Variants in FHOD3 observed in about 807,000 individuals in gnomAD.
FHOD3 encodes FH1/FH2 domain-containing protein 3.
Under a neutral mutation model 173.0 loss-of-function variants are expected in FHOD3, and 90 were observed. The ratio of observed to expected loss-of-function variants is 0.52; its 90% CI spans 0.44 to 0.62. FHOD3 has a LOEUF of 0.62. Ranked by LOEUF, FHOD3 falls within the 20% of genes least tolerant of loss-of-function variation. The probability of loss-of-function intolerance (pLI) is 0.00; values close to 1 mark genes in which losing one functional copy is unlikely to be tolerated. For missense variants in FHOD3, 1,945 were observed against 2,034.7 expected, an observed-to-expected ratio of 0.96 and a Z score of 0.85; for synonymous variants, 828 against 823.0, an observed-to-expected ratio of 1.01 and a Z score of -0.10.
At chr18:36,607,729 T>C (rs2148562339) in intron 8 of FHOD3, among the ~76,000 whole-genome samples, 1 of 152,338 alleles carries the variant, frequency 6.6e-6, no homozygotes, top group Admixed American at 6.5e-5. Flanking sequence ...TCCTTCAATA[T>C]TTTTCTTAGA....
At chr18:36,748,892 C>T (rs2150134130) in intron 24 of FHOD3, among the ~76,000 whole-genome samples, 1 of 152,052 alleles carries the variant, frequency 6.6e-6, no homozygotes, top group African/African-American at 2.4e-5. Context: ...CCTCATTTTT[C>T]CTTCCCCCTC....
At chr18:36,389,587 T>C in intron 3 of FHOD3, among the ~76,000 whole-genome samples, 1 of 151,660 alleles carries the variant, frequency 6.6e-6, no homozygotes, top group Non-Finnish European at 1.5e-5. Flanking sequence ...TATTGTCCTT[T>C]CCTGGAGCAT....
chr18:36,748,384 C>CACACACACACACACACACACACACA (rs2042253175), intron 24 of FHOD3, among the ~76,000 whole-genome samples: 1 of 88,996 alleles, frequency 1.1e-5, no homozygotes, highest in Non-Finnish European at 2.4e-5. Context: ...ACACACACAA[C>CACACACACACACACACACACACACA]ACACACACAC....
intron 3 of FHOD3, among the ~76,000 whole-genome samples, chr18:36,388,666 A>G (rs903268912): frequency 3.9e-5 from 6 of 152,172 alleles, no homozygotes; most frequent in African/African-American, 1.4e-4. Context: ...TCCCCTCCCA[A>G]GAGAACCCTG....
At chr18:36,419,132 T>C (rs2049847056) in intron 3 of FHOD3, among the ~76,000 whole-genome samples, 1 of 151,998 alleles carries the variant, frequency 6.6e-6, no homozygotes, top group Non-Finnish European at 1.5e-5. Flanking sequence ...TTACCAAGTA[T>C]CAAATTCAAG....
At chr18:36,715,920 G>A (rs2040423931) in intron 18 of FHOD3, among the ~76,000 whole-genome samples, 1 of 152,240 alleles carries the variant, frequency 6.6e-6, no homozygotes, top group African/African-American at 2.4e-5. Flanking sequence ...CCTGAGGCCA[G>A]ATCATACTTG....
chr18:36,710,006 A>G (rs1246586835), intron 18 of FHOD3: 2 of 152,336 alleles, frequency 1.3e-5, no homozygotes, highest in Admixed American at 6.5e-5. Context: ...TGTATAAAGT[A>G]TATGCTTTTC....
chr18:36,333,017 C>G (rs2045104846), intron 1 of FHOD3, among the ~76,000 whole-genome samples: 1 of 152,206 alleles, frequency 6.6e-6, no homozygotes, highest in Admixed American at 6.5e-5. Context: ...TTGCTATGAA[C>G]ATTTTGAGAG....
intron 1 of FHOD3, among the ~76,000 whole-genome samples, chr18:36,343,293 G>T (rs76717666): frequency 0.026 from 4,012 of 152,264 alleles, 179 homozygotes; most frequent in African/African-American, 0.088. Flanking sequence ...AATAAAATGT[G>T]ATATATCCAT....
At chr18:36,456,471 A>C (rs2052220649) in intron 3 of FHOD3, among the ~76,000 whole-genome samples, 1 of 152,134 alleles carries the variant, frequency 6.6e-6, no homozygotes, top group Non-Finnish European at 1.5e-5. Flanking sequence ...AGATTAGTGG[A>C]AAAGAAATGG....
chr18:36,305,730 C>T (rs1289929781), intron 1 of FHOD3, among the ~76,000 whole-genome samples: 2 of 152,186 alleles, frequency 1.3e-5, no homozygotes, highest in East Asian at 3.8e-4. Context: ...AGGCTGGAGA[C>T]TCTGAGTAGT....
chr18:36,506,018 C>T (rs552063328), intron 4 of FHOD3, among the ~76,000 whole-genome samples: 6 of 152,172 alleles, frequency 3.9e-5, no homozygotes, highest in Non-Finnish European at 7.4e-5. Context: ...GTTTCATAAA[C>T]ATTTTGTACT....
intron 5 of FHOD3, among the ~76,000 whole-genome samples, chr18:36,519,742 G>T (rs1012359723): frequency 5.9e-5 from 9 of 152,138 alleles, no homozygotes; most frequent in Non-Finnish European, 8.8e-5. Flanking sequence ...CTACTCCATG[G>T]GTGGGGCAAG....
intron 17 of FHOD3, among the ~76,000 whole-genome samples, chr18:36,695,204 T>C (rs1252089628): frequency 2.0e-5 from 3 of 151,200 alleles, no homozygotes; most frequent in Admixed American, 6.6e-5. Flanking sequence ...ACAAAAAAAT[T>C]AGCCGGGCGT....
At chr18:36,310,291 G>A (rs1328664559) in intron 1 of FHOD3, among the ~76,000 whole-genome samples, 2 of 152,192 alleles carry the variant, frequency 1.3e-5, no homozygotes, top group Non-Finnish European at 2.9e-5. Context: ...ATGATGATGG[G>A]CTGGGGAAGT....
chr18:36,437,963 A>C (rs2050912035), intron 3 of FHOD3, among the ~76,000 whole-genome samples: 1 of 151,848 alleles, frequency 6.6e-6, no homozygotes, highest in Non-Finnish European at 1.5e-5. Context: ...CGCCTGGCCG[A>C]GTTTTTGGTT....
chr18:36,586,012 C>G (rs1164079641), intron 6 of FHOD3, among the ~76,000 whole-genome samples: 4 of 152,188 alleles, frequency 2.6e-5, no homozygotes, highest in African/African-American at 9.6e-5. Context: ...GCCCTTCTCC[C>G]CCTACTCCAA....
chr18:36,502,006 A>T lies in FHOD3; in HGVS notation c.405+7A>T. ...CCTGAAGCAGATATTTCAGGTAAAT[A>T]GGAAAAAAATAAGTACTTACCTGTT... On this transcript the variant is annotated splice_region_variant and intron_variant, in intron 4 of 28. Coordinates refer to ENST00000590592, the MANE Select transcript of FHOD3 (RefSeq NM_001281740.3). 6.3e-7 allele frequency: 1 copy of T among 1,593,528 alleles called. No homozygotes were observed. Among genetic ancestry groups the T allele is most frequent in the Non-Finnish European group, 8.6e-7 (1 of 1,166,358 alleles).
At chr18:36,688,324 G>A (rs1453506110) in intron 16 of FHOD3, among the ~76,000 whole-genome samples, 1 of 152,222 alleles carries the variant, frequency 6.6e-6, no homozygotes, top group East Asian at 1.9e-4. Context: ...ATAAGAAGTA[G>A]AATTGTGCTA....
Sources: gnomAD v4.1 joint callset for allele counts (sites outside exome capture counted in the v4.1 genomes callset) on GRCh38, gnomAD v4.1.1 for gene constraint, MANE v1.5 for transcripts, NCBI Gene and HGNC (gene_info 2026-07-23, HGNC 2026-07-21) for gene names.